TTC28: variants seen among roughly 807,000 people sequenced by gnomAD.
The protein encoded by TTC28 is tetratricopeptide repeat domain 28.
TTC28 carries 61 observed loss-of-function variants against 198.0 expected under a neutral mutation model. The ratio of observed to expected loss-of-function variants is 0.31; its 90% CI spans 0.25 to 0.38. TTC28 has a LOEUF of 0.38. Among genes scored for constraint, TTC28 ranks in the 10% least tolerant of loss-of-function variants. The pLI, the probability that TTC28 is intolerant of heterozygous loss-of-function variation, is 1.00. For synonymous variants in TTC28, 1,171 were observed against 1,297.8 expected, an observed-to-expected ratio of 0.90 and a Z score of 2.10; for missense variants, 2,678 against 3,164.0, an observed-to-expected ratio of 0.85 and a Z score of 3.69.
intron 1 of TTC28, among the ~76,000 whole-genome samples, chr22:28,669,924 A>G (rs2051851666): frequency 6.6e-6 from 1 of 152,180 alleles, no homozygotes. Flanking sequence ...ACTGGATTAA[A>G]TAAGTTTTTC....
At chr22:28,393,303 C>T (rs1177161386) in intron 2 of TTC28, among the ~76,000 whole-genome samples, 1 of 152,198 alleles carries the variant, frequency 6.6e-6, no homozygotes, top group Non-Finnish European at 1.5e-5. Flanking sequence ...TACCACTTAG[C>T]TCATGTCAAT....
intron 5 of TTC28, among the ~76,000 whole-genome samples, chr22:28,233,117 C>T (rs929394813): frequency 1.3e-5 from 2 of 151,804 alleles, no homozygotes; most frequent in East Asian, 1.9e-4. Flanking sequence ...AAAAAAAAAT[C>T]CATTTTAATT....
chr22:28,061,048 T>C (rs1052389051), intron 12 of TTC28, among the ~76,000 whole-genome samples: 7 of 152,210 alleles, frequency 4.6e-5, no homozygotes, highest in African/African-American at 1.7e-4. Context: ...ACATCCTTCA[T>C]CCACTTTTTG....
At chr22:28,487,515 T>C (rs1485416111) in intron 2 of TTC28, among the ~76,000 whole-genome samples, 2 of 152,166 alleles carry the variant, frequency 1.3e-5, no homozygotes, top group Admixed American at 1.3e-4. Context: ...TATATTTCAT[T>C]AGCTGTACAA....
At chr22:28,214,111 C>T (rs1271205652) in intron 5 of TTC28, among the ~76,000 whole-genome samples, 1 of 152,040 alleles carries the variant, frequency 6.6e-6, no homozygotes, top group East Asian at 1.9e-4. Context: ...CTTCCTTATA[C>T]CTTATACAAA....
chr22:28,399,069 T>C (rs1445317329), intron 2 of TTC28, among the ~76,000 whole-genome samples: 1 of 151,772 alleles, frequency 6.6e-6, no homozygotes, highest in Admixed American at 6.6e-5. Context: ...TGAACATTCA[T>C]TGCAATGGTG....
At chr22:28,085,684 A>G (rs967403351) in intron 12 of TTC28, among the ~76,000 whole-genome samples, 26 of 151,212 alleles carry the variant, frequency 1.7e-4, no homozygotes, top group Non-Finnish European at 3.2e-4. Flanking sequence ...ATGTAAATGG[A>G]CTAAATGCTC....
chr22:27,988,455 T>G (rs887636752), intron 21 of TTC28, among the ~76,000 whole-genome samples: 2 of 151,882 alleles, frequency 1.3e-5, no homozygotes, highest in Admixed American at 6.6e-5. Flanking sequence ...GCCTGGCTAA[T>G]TTTTGTATTT....
At chr22:28,264,227 T>C (rs977826157) in intron 5 of TTC28, among the ~76,000 whole-genome samples, 7 of 152,042 alleles carry the variant, frequency 4.6e-5, no homozygotes, top group African/African-American at 1.4e-4. Flanking sequence ...GATCTGATGG[T>C]TTTATAAAGG....
chr22:28,114,641 A>G (rs894468305), intron 6 of TTC28, among the ~76,000 whole-genome samples: 3 of 149,366 alleles, frequency 2.0e-5, no homozygotes, highest in Non-Finnish European at 4.4e-5. Flanking sequence ...GTGCAGTGGC[A>G]TGATCATGGC....
At chr22:28,568,311 AT>A (rs2146019024) in intron 2 of TTC28, among the ~76,000 whole-genome samples, 1 of 152,318 alleles carries the variant, frequency 6.6e-6, no homozygotes, top group African/African-American at 2.4e-5. Flanking sequence ...AATAATGTGA[AT>A]ATGGTTAATG....
chr22:28,496,731 T>C (rs2048459897), intron 2 of TTC28, among the ~76,000 whole-genome samples: 1 of 151,938 alleles, frequency 6.6e-6, no homozygotes, highest in South Asian at 2.1e-4. Context: ...GCCAGAGAAA[T>C]CTTTTCAAAC....
intron 1 of TTC28, among the ~76,000 whole-genome samples, chr22:28,632,340 T>C (rs1439434205): frequency 3.0e-5 from 4 of 132,952 alleles, no homozygotes; most frequent in Non-Finnish European, 6.3e-5. Context: ...TGATCTCGAC[T>C]CATTGCAACC....
chr22:28,215,278 T>G (rs1027131227), intron 5 of TTC28, among the ~76,000 whole-genome samples: 2 of 152,148 alleles, frequency 1.3e-5, no homozygotes, highest in African/African-American at 4.8e-5. Context: ...TCTTAAAGTA[T>G]AATAATAAAT....
At chr22:28,553,472 G>A (rs1205713018) in intron 2 of TTC28, among the ~76,000 whole-genome samples, 2 of 151,498 alleles carry the variant, frequency 1.3e-5, no homozygotes, top group African/African-American at 4.9e-5. Context: ...CCTCTGCCCG[G>A]CCGCAACCCC....
At chr22:28,452,389 CAAAAAAAAAA>C (rs71194768) in intron 2 of TTC28, among the ~76,000 whole-genome samples, 58 of 43,240 alleles carry the variant, frequency 1.3e-3, no homozygotes, top group East Asian at 3.5e-3. Flanking sequence ...GATTCCATCT[CAAAAAAAAAA>C]AAAAAAAAAA....
intron 2 of TTC28, among the ~76,000 whole-genome samples, chr22:28,351,883 C>T (rs1302517659): frequency 1.3e-5 from 2 of 152,068 alleles, no homozygotes; most frequent in Non-Finnish European, 2.9e-5. Flanking sequence ...CAGAAGGGTC[C>T]CTGGGGATTT....
In TTC28 at chr22:27,993,091, A is replaced by G. The variant is rs926860630; in HGVS notation, c.5476+196T>C. ...CGCAGATGCCTGCCATCACAGATGG[A>G]AACAGCAGGTAAATGGCACTTGTTT... is the stretch of plus-strand genomic sequence containing the variant. On this transcript the variant is annotated intron_variant, in intron 18 of 22. Transcript: ENST00000397906. 8.2e-6 allele frequency: 5 copies of G among 608,294 alleles called. No homozygotes were observed. In the African/African-American group the frequency reaches 9.3e-5, roughly 11 times the overall value. The allele number at this position is 608,294 out of a possible 1,614,324, so 37.7% of individuals were successfully genotyped here.
chr22:28,150,328 C>T (rs901028494), intron 6 of TTC28, among the ~76,000 whole-genome samples: 2 of 152,164 alleles, frequency 1.3e-5, no homozygotes, highest in Non-Finnish European at 2.9e-5. Context: ...ATCTTCATCT[C>T]TAAATATTAT....
Sources: gnomAD v4.1 joint callset for allele counts (sites outside exome capture counted in the v4.1 genomes callset) on GRCh38, gnomAD v4.1.1 for gene constraint, MANE v1.5 for transcripts, NCBI Gene and HGNC (gene_info 2026-07-23, HGNC 2026-07-21) for gene names.